The following LHFPL6 variants were observed in gnomAD, a reference collection of about 807,000 sequenced individuals.
LHFPL6 encodes the protein LHFPL tetraspan subfamily member 6, also known as LHFPL tetraspan subfamily member 6 protein.
A neutral mutation model predicts 20.6 loss-of-function variants in LHFPL6; 9 were observed. That is an observed-to-expected ratio of 0.44 (90% CI 0.26 to 0.76). LHFPL6 has a LOEUF of 0.76. Ranked by LOEUF, LHFPL6 falls within the 30% of genes least tolerant of loss-of-function variation. The pLI is 0.20. For missense variants in LHFPL6, 218 were observed against 253.5 expected (o/e 0.86, Z 0.95); for synonymous variants, 105 against 98.7 (o/e 1.06, Z -0.38).
Position 39,369,874 on chromosome 13 carries a change from G to A in LHFPL6, c.484+8554C>T, listed in dbSNP as rs552695221. On this transcript the variant is annotated intron_variant, in intron 3 of 3. Coordinates refer to ENST00000379589, the MANE Select transcript of LHFPL6 (RefSeq NM_005780.3). ...AGGTTCATCTGGGATCTGCAAAACT[G>A]TGTTTAGGGAAACAGATCAAATTGA... Among the ~76,000 whole-genome samples the A allele has an allele frequency of 2.6e-4, 39 of 152,164 alleles. No individual in the cohort carries two copies. The South Asian group carries it at 5.0e-3, about 19-fold the overall frequency.
intron 2 of LHFPL6, among the ~76,000 whole-genome samples, chr13:39,507,315 G>A (rs940066003): frequency 6.6e-6 from 1 of 152,200 alleles, no homozygotes; most frequent in Non-Finnish European, 1.5e-5. Flanking sequence ...CAGGAGGGAA[G>A]CTGCAGTGCA....
At chr13:39,567,031 T>TG (rs1265512402) in intron 2 of LHFPL6, among the ~76,000 whole-genome samples, 1 of 119,404 alleles carries the variant, frequency 8.4e-6, no homozygotes, top group Non-Finnish European at 1.7e-5. Flanking sequence ...TAGCCAGGGT[T>TG]TTTTTTTTTT....
At chr13:39,535,015 C>T (rs75556274) in intron 2 of LHFPL6, among the ~76,000 whole-genome samples, 2,773 of 152,286 alleles carry the variant, frequency 0.018, 33 homozygotes, top group Non-Finnish European at 0.025. Context: ...AGAGGATGAT[C>T]TTTCCTTTCC....
At chr13:39,473,865 G>A (rs541122798) in intron 2 of LHFPL6, among the ~76,000 whole-genome samples, 1 of 152,298 alleles carries the variant, frequency 6.6e-6, no homozygotes, top group African/African-American at 2.4e-5. Flanking sequence ...ATGACTACAG[G>A]ACACATTAAG....
intron 2 of LHFPL6, among the ~76,000 whole-genome samples, chr13:39,561,325 G>A (rs2138519973): frequency 6.6e-6 from 1 of 152,178 alleles, no homozygotes; most frequent in East Asian, 1.9e-4. Flanking sequence ...GATGTCTCCA[G>A]GGAATCTTGA....
intron 1 of LHFPL6, among the ~76,000 whole-genome samples, chr13:39,602,439 G>A (rs1000377655): frequency 6.6e-6 from 1 of 151,918 alleles, no homozygotes; most frequent in Admixed American, 6.5e-5. Flanking sequence ...TTCTAATCTT[G>A]TCAACTGCAG....
At chr13:39,371,807 C>T (rs1870173453) in intron 3 of LHFPL6, among the ~76,000 whole-genome samples, 1 of 152,192 alleles carries the variant, frequency 6.6e-6, no homozygotes, top group Non-Finnish European at 1.5e-5. Context: ...CGTGGCATTC[C>T]CTGGCAGCCA....
intron 3 of LHFPL6, among the ~76,000 whole-genome samples, chr13:39,353,531 C>A (rs1418370373): frequency 6.6e-6 from 1 of 151,596 alleles, no homozygotes; most frequent in Admixed American, 6.6e-5. Context: ...TCGAGACCAT[C>A]CTGGCTAACA....
At chr13:39,391,986 A>G (rs943675860) in intron 2 of LHFPL6, among the ~76,000 whole-genome samples, 2 of 152,218 alleles carry the variant, frequency 1.3e-5, no homozygotes, top group Non-Finnish European at 2.9e-5. Flanking sequence ...TGAAATGTCA[A>G]GGATAACTGC....
intron 2 of LHFPL6, among the ~76,000 whole-genome samples, chr13:39,436,526 T>G (rs73175115): frequency 1.3e-5 from 2 of 152,098 alleles, no homozygotes; most frequent in African/African-American, 4.8e-5. Flanking sequence ...CCTGCTCTGA[T>G]GGCAATTCTT....
chr13:39,587,983 T>A (rs1410392915), intron 2 of LHFPL6, among the ~76,000 whole-genome samples: 1 of 152,070 alleles, frequency 6.6e-6, no homozygotes, highest in East Asian at 1.9e-4. Flanking sequence ...TTCTGTCTTC[T>A]AAAAGTGCCT....
chr13:39,591,702 C>CA (rs771044951), intron 2 of LHFPL6, among the ~76,000 whole-genome samples: 3 of 152,184 alleles, frequency 2.0e-5, no homozygotes, highest in African/African-American at 2.4e-5. Context: ...CCCTGGGCCC[C>CA]ACCCAGACCT....
At chr13:39,598,272 G>A (rs1484719287) in intron 2 of LHFPL6, among the ~76,000 whole-genome samples, 1 of 109,058 alleles carries the variant, frequency 9.2e-6, no homozygotes, top group African/African-American at 3.7e-5. Context: ...GCTACCTAGG[G>A]AATTCTTTTT....
At chr13:39,360,089 C>T (rs8000604) in intron 3 of LHFPL6, among the ~76,000 whole-genome samples, 19,276 of 67,554 alleles carry the variant, frequency 0.29, 4,583 homozygotes, top group East Asian at 0.37. Flanking sequence ...GGCACGATCT[C>T]TGCTCACTGC....
At chr13:39,433,219 CT>C (rs1419053387) in intron 2 of LHFPL6, among the ~76,000 whole-genome samples, 1 of 151,904 alleles carries the variant, frequency 6.6e-6, no homozygotes, top group Non-Finnish European at 1.5e-5. Context: ...GTGAGTAATG[CT>C]TTTTTTTCTA....
chr13:39,447,788 G>A (rs575632701), intron 2 of LHFPL6, among the ~76,000 whole-genome samples: 111 of 152,250 alleles, frequency 7.3e-4, no homozygotes, highest in African/African-American at 2.4e-3. Context: ...TAGTATTTGG[G>A]CCATTGCTCT....
At chr13:39,471,139 C>A (rs887419898) in intron 2 of LHFPL6, among the ~76,000 whole-genome samples, 2 of 152,196 alleles carry the variant, frequency 1.3e-5, no homozygotes, top group African/African-American at 4.8e-5. Flanking sequence ...ATGCTAGCTA[C>A]TGCAGCATCC....
intron 2 of LHFPL6, among the ~76,000 whole-genome samples, chr13:39,586,186 TAC>T (rs1267821672): frequency 7.3e-6 from 1 of 137,438 alleles, no homozygotes; most frequent in Non-Finnish European, 1.6e-5. Flanking sequence ...TATATATATA[TAC>T]ACATACACAG....
intron 2 of LHFPL6, among the ~76,000 whole-genome samples, chr13:39,492,916 G>C (rs1340081996): frequency 1.3e-5 from 2 of 151,946 alleles, no homozygotes; most frequent in Admixed American, 1.3e-4. Context: ...CCGACCTCAG[G>C]TGATCCTCCC....
Sources: gnomAD v4.1 joint callset for allele counts (sites outside exome capture counted in the v4.1 genomes callset) on GRCh38, gnomAD v4.1.1 for gene constraint, MANE v1.5 for transcripts, NCBI Gene and HGNC (gene_info 2026-07-23, HGNC 2026-07-21) for gene names.